The following ROBO1 variants were observed in gnomAD, a reference collection of about 807,000 sequenced individuals.
ROBO1 encodes the protein roundabout homolog 1.
A neutral mutation model predicts 195.9 loss-of-function variants in ROBO1; 149 were observed. That is an observed-to-expected ratio of 0.76 (90% CI 0.67 to 0.87). ROBO1 has a LOEUF of 0.87. Among genes scored for constraint, ROBO1 ranks in the 40% least tolerant of loss-of-function variants. The pLI, the probability that ROBO1 is intolerant of heterozygous loss-of-function variation, is 0.00. For synonymous variants in ROBO1, 816 were observed against 733.2 expected (o/e 1.11, Z -1.82); for missense variants, 1,933 against 2,068.3 (o/e 0.93, Z 1.27).
intron 3 of ROBO1, among the ~76,000 whole-genome samples, chr3:79,102,336 C>A (rs1297530665): frequency 2.0e-5 from 3 of 151,612 alleles, no homozygotes; most frequent in African/African-American, 7.3e-5. Context: ...TGGTCCTTAT[C>A]ATAGCATCAT....
At chr3:79,225,975 T>C (rs1478962319) in intron 2 of ROBO1, among the ~76,000 whole-genome samples, 1 of 152,160 alleles carries the variant, frequency 6.6e-6, no homozygotes, top group Non-Finnish European at 1.5e-5. Flanking sequence ...ACATTAGCAT[T>C]GCCTATGATT....
chr3:79,762,813 G>A (rs932306298), intron 1 of ROBO1, among the ~76,000 whole-genome samples: 1 of 152,130 alleles, frequency 6.6e-6, no homozygotes, highest in African/African-American at 2.4e-5. Context: ...CAAACTTGTT[G>A]CACATGACTT....
intron 2 of ROBO1, among the ~76,000 whole-genome samples, chr3:79,581,721 T>G (rs184270615): frequency 6.6e-6 from 1 of 152,256 alleles, no homozygotes; most frequent in Non-Finnish European, 1.5e-5. Flanking sequence ...CACACACAAA[T>G]TTATACATAT....
intron 1 of ROBO1, among the ~76,000 whole-genome samples, chr3:79,665,724 C>A (rs1946458712): frequency 6.6e-6 from 1 of 151,612 alleles, no homozygotes; most frequent in South Asian, 2.1e-4. Flanking sequence ...AAAAGTATTT[C>A]CAAAATCAAA....
At chr3:79,226,907 C>T (rs1020221250) in intron 2 of ROBO1, among the ~76,000 whole-genome samples, 1 of 152,122 alleles carries the variant, frequency 6.6e-6, no homozygotes, top group Non-Finnish European at 1.5e-5. Flanking sequence ...GTCTTCCTTC[C>T]GGTTATAACA....
intron 2 of ROBO1, among the ~76,000 whole-genome samples, chr3:79,308,182 G>A (rs753542039): frequency 1.3e-5 from 2 of 152,088 alleles, no homozygotes; most frequent in Admixed American, 6.6e-5. Context: ...AAAAATGTAT[G>A]TACTCATTAA....
At chr3:79,340,612 C>A (rs950424219) in intron 2 of ROBO1, among the ~76,000 whole-genome samples, 1 of 152,056 alleles carries the variant, frequency 6.6e-6, no homozygotes, top group Non-Finnish European at 1.5e-5. Context: ...CCTATTAGAA[C>A]GGTAAGAATA....
At chr3:78,987,687 T>C (rs1390903181) in intron 3 of ROBO1, among the ~76,000 whole-genome samples, 1 of 152,030 alleles carries the variant, frequency 6.6e-6, no homozygotes, top group African/African-American at 2.4e-5. Context: ...TAAGACCTAG[T>C]ATTTCATAGC....
At chr3:78,735,442 T>C (rs1336469539) in intron 5 of ROBO1, among the ~76,000 whole-genome samples, 2 of 152,226 alleles carry the variant, frequency 1.3e-5, no homozygotes, top group African/African-American at 4.8e-5. Context: ...TTTCCCAAGA[T>C]GGTCATAGAT....
intron 3 of ROBO1, among the ~76,000 whole-genome samples, chr3:78,972,367 C>G (rs895926958): frequency 6.6e-6 from 1 of 152,126 alleles, no homozygotes; most frequent in South Asian, 2.1e-4. Context: ...ATACCTTTCA[C>G]AAACATGAAA....
At chr3:78,722,447 T>C (rs2082065508) in intron 5 of ROBO1, among the ~76,000 whole-genome samples, 1 of 152,150 alleles carries the variant, frequency 6.6e-6, no homozygotes, top group African/African-American at 2.4e-5. Flanking sequence ...ACAGTGTTCA[T>C]ACATGTAAAA....
intron 3 of ROBO1, among the ~76,000 whole-genome samples, chr3:79,086,366 AAC>A (rs2079370675): frequency 6.6e-6 from 1 of 152,200 alleles, no homozygotes; most frequent in Non-Finnish European, 1.5e-5. Flanking sequence ...TAAAAAGTTT[AAC>A]ACACTGGCAT....
intron 2 of ROBO1, among the ~76,000 whole-genome samples, chr3:79,320,318 C>T (rs756874939): frequency 6.6e-6 from 1 of 152,110 alleles, no homozygotes; most frequent in Admixed American, 6.6e-5. Context: ...CATCGCTTCC[C>T]AAAGGCCCCG....
rs559352543 is a variant in ROBO1, at chr3:78,745,654, C to T, written c.657+1089G>A. Reference sequence around the variant, plus strand: ...CTTTTGTCATGTGACTCTGCAGCACCTCTTATGAGCAGAACCATGTCATCC... The same window carrying T: ...CTTTTGTCATGTGACTCTGCAGCACTTCTTATGAGCAGAACCATGTCATCC... On this transcript the variant is annotated intron_variant, in intron 5 of 30. Transcript: ENST00000464233. 5.3e-5 allele frequency among the ~76,000 whole-genome samples: 8 copies of T among 152,278 alleles called. No homozygotes were observed. In the East Asian group the frequency reaches 1.5e-3, roughly 29 times the overall value.
intron 3 of ROBO1, among the ~76,000 whole-genome samples, chr3:79,123,942 C>A (rs1175469315): frequency 6.6e-6 from 1 of 151,984 alleles, no homozygotes; most frequent in African/African-American, 2.4e-5. Context: ...ATTACTTATA[C>A]ATAATTTTTG....
Position 79,587,906 on chromosome 3 carries a change from T to A in ROBO1, c.88+1918A>T, listed in dbSNP as rs1444294275. ...ACTTCCACTCTGCAGGTGTTCTTTT[T>A]GAAAAGCTAACAGCATATTTCTTTT... On this transcript the variant is annotated intron_variant, in intron 2 of 30. Transcript: ENST00000464233. Among the ~76,000 whole-genome samples the A allele has an allele frequency of 4.6e-5, 7 of 151,910 alleles. No individual in the cohort carries two copies. The South Asian group carries it at 1.0e-3, about 22-fold the overall frequency.
In ROBO1 at chr3:79,112,850, A is replaced by C. The variant is rs973720114; in HGVS notation, c.172+12606T>G. Among the ~76,000 whole-genome samples the C allele has an allele frequency of 6.6e-5, 10 of 152,116 alleles. No individual in the cohort carries two copies. In the East Asian group the frequency reaches 1.9e-3, roughly 29 times the overall value. ...AATGGGTGCAGCACACCAACATGGC[A>C]TATGTATACATATGTAACTAACCTG... is the stretch of plus-strand genomic sequence containing the variant. On this transcript the variant is annotated intron_variant, in intron 3 of 30. Transcript: ENST00000464233.
chr3:79,205,323 T>C (rs1049362920), intron 2 of ROBO1, among the ~76,000 whole-genome samples: 2 of 152,078 alleles, frequency 1.3e-5, no homozygotes, highest in African/African-American at 4.8e-5. Context: ...GATTAGGGAA[T>C]TGTAAAAGTG....
chr3:79,523,622 G>A (rs138070634), intron 2 of ROBO1, among the ~76,000 whole-genome samples: 12,318 of 151,578 alleles, frequency 0.081, 656 homozygotes, highest in East Asian at 0.17. Flanking sequence ...ACAGGCGCCC[G>A]CCACCACACC....
Sources: allele counts gnomAD v4.1 joint callset (sites outside exome capture counted in the v4.1 genomes callset), GRCh38; gene constraint gnomAD v4.1.1; transcripts MANE v1.5; gene names NCBI Gene and HGNC (gene_info 2026-07-23, HGNC 2026-07-21).